Variants in RSRC1 observed in about 807,000 individuals in gnomAD.
RSRC1 encodes the protein serine/Arginine-related protein 53.
RSRC1 carries 39 observed loss-of-function variants against 49.1 expected under a neutral mutation model. The observed-to-expected ratio is 0.79, with a 90% confidence interval of 0.61 to 1.04. RSRC1 has a LOEUF of 1.04. Among genes scored for constraint, RSRC1 ranks in the 50% least tolerant of loss-of-function variants. The probability of loss-of-function intolerance (pLI) is 0.00; values close to 1 mark genes in which losing one functional copy is unlikely to be tolerated. For missense variants in RSRC1, 388 were observed against 402.4 expected (o/e 0.96, Z 0.31); for synonymous variants, 143 against 130.8 (o/e 1.09, Z -0.63).
At chr3:158,201,433 G>GA (rs1293233201) in intron 3 of RSRC1, among the ~76,000 whole-genome samples, 4 of 151,978 alleles carry the variant, frequency 2.6e-5, no homozygotes, top group Non-Finnish European at 4.4e-5. Context: ...ACTCACCACT[G>GA]AAAAAATGTT....
intron 4 of RSRC1, among the ~76,000 whole-genome samples, chr3:158,269,606 G>T (rs562014072): frequency 1.3e-5 from 2 of 151,926 alleles, no homozygotes; most frequent in African/African-American, 4.8e-5. Context: ...TCTGCCTCCC[G>T]GGTTGAAGTG....
rs1048255668 is a variant in RSRC1, at chr3:158,425,948, G to A, written c.584-34987G>A. ...ATGAAAAAACTATAGTAATTAAAAT[G>A]GTGTCATCAATAGGAAGCAATAGAA... On this transcript the variant is annotated intron_variant, in intron 6 of 9. Coordinates refer to ENST00000611884, the MANE Select transcript of RSRC1 (RefSeq NM_001271838.2). 2.6e-5 allele frequency among the ~76,000 whole-genome samples: 4 copies of A among 151,738 alleles called. No individual in the cohort carries two copies. The South Asian group carries it at 8.3e-4, about 32-fold the overall frequency.
intron 6 of RSRC1, among the ~76,000 whole-genome samples, chr3:158,394,146 A>T (rs1323719325): frequency 2.0e-5 from 3 of 152,044 alleles, no homozygotes; most frequent in Non-Finnish European, 2.9e-5. Flanking sequence ...CATTCACGGG[A>T]TATACCTCAA....
At chr3:158,255,734 A>G (rs1724508578) in intron 4 of RSRC1, among the ~76,000 whole-genome samples, 1 of 152,084 alleles carries the variant, frequency 6.6e-6, no homozygotes, top group Admixed American at 6.5e-5. Flanking sequence ...TATTTCGTTG[A>G]GCAGTGGTTT....
intron 6 of RSRC1, among the ~76,000 whole-genome samples, chr3:158,363,989 C>T (rs1455901323): frequency 1.3e-5 from 2 of 152,036 alleles, no homozygotes; most frequent in East Asian, 1.9e-4. Context: ...CTGAGTAGTA[C>T]GCCATAAGTG....
chr3:158,460,394 ATAAT>A (rs750501548), intron 6 of RSRC1, among the ~76,000 whole-genome samples: 1 of 151,956 alleles, frequency 6.6e-6, no homozygotes, highest in South Asian at 2.1e-4. Context: ...CAACTAGTAG[ATAAT>A]TAAGTAATAA....
At chr3:158,303,391 T>C (rs1727674468) in intron 5 of RSRC1, 1 of 152,262 alleles carries the variant, frequency 6.6e-6, no homozygotes, top group African/African-American at 2.4e-5. Flanking sequence ...TCCTTTGTTC[T>C]CTTTTCTGAA....
intron 1 of RSRC1, among the ~76,000 whole-genome samples, chr3:158,119,529 TA>T (rs1350993944): frequency 6.6e-6 from 1 of 152,068 alleles, no homozygotes; most frequent in Admixed American, 6.6e-5. Context: ...TGATTAAAGG[TA>T]AAAACAAGAA....
intron 5 of RSRC1, among the ~76,000 whole-genome samples, chr3:158,340,763 G>A (rs1047459740): frequency 3.3e-5 from 5 of 152,162 alleles, no homozygotes; most frequent in African/African-American, 9.7e-5. Flanking sequence ...ATGTGGAAAC[G>A]ACTTTGGAAC....
At chr3:158,345,436 G>A (rs927402215) in intron 5 of RSRC1, among the ~76,000 whole-genome samples, 13 of 152,156 alleles carry the variant, frequency 8.5e-5, no homozygotes, top group African/African-American at 2.7e-4. Context: ...TAAAAATGGT[G>A]GAAAAAGATA....
intron 6 of RSRC1, among the ~76,000 whole-genome samples, chr3:158,382,874 A>T (rs1732773362): frequency 6.6e-6 from 1 of 152,196 alleles, no homozygotes; most frequent in South Asian, 2.1e-4. Context: ...TTTAATGCTG[A>T]AACTAAAGAC....
At chr3:158,374,615 C>T (rs1426933529) in intron 6 of RSRC1, among the ~76,000 whole-genome samples, 1 of 152,110 alleles carries the variant, frequency 6.6e-6, no homozygotes, top group South Asian at 2.1e-4. Context: ...CTGTACAGTA[C>T]ATTTAATATA....
chr3:158,343,580 A>G (rs1475595552), intron 5 of RSRC1, among the ~76,000 whole-genome samples: 1 of 152,206 alleles, frequency 6.6e-6, no homozygotes, highest in Non-Finnish European at 1.5e-5. Context: ...ACCTGATCAG[A>G]GAGCTATACC....
At chr3:158,174,337 AGTTTATTT>A (rs1484602306) in intron 3 of RSRC1, among the ~76,000 whole-genome samples, 1 of 151,950 alleles carries the variant, frequency 6.6e-6, no homozygotes, top group African/African-American at 2.4e-5. Flanking sequence ...AGCTAAATGA[AGTTTATTT>A]GTTTATTTAA....
intron 3 of RSRC1, among the ~76,000 whole-genome samples, chr3:158,136,219 A>C (rs1012536443): frequency 2.0e-5 from 3 of 152,186 alleles, no homozygotes; most frequent in Non-Finnish European, 2.9e-5. Flanking sequence ...TTCTAGTTCT[A>C]ATTTGATTCG....
chr3:158,532,990 A>C (rs1000654041), intron 7 of RSRC1, among the ~76,000 whole-genome samples: 1 of 151,782 alleles, frequency 6.6e-6, no homozygotes, highest in Non-Finnish European at 1.5e-5. Flanking sequence ...GTTAAATGAC[A>C]AATTGACATG....
chr3:158,205,395 A>G (rs1026058139), intron 4 of RSRC1, among the ~76,000 whole-genome samples: 2 of 152,156 alleles, frequency 1.3e-5, no homozygotes, highest in Admixed American at 1.3e-4. Context: ...TTAAATATTG[A>G]TTATCAAATA....
In RSRC1 at chr3:158,345,805, T is replaced by C. The variant is rs1730522813; in HGVS notation, c.532-9052T>C. The stretch of plus-strand genomic sequence containing the variant: ...TATATATATACACATATATATGTAT[T>C]ACACACATATATATGCATTATATAT... On this transcript the variant is annotated intron_variant, in intron 5 of 9. Transcript: ENST00000611884. 2.7e-5 allele frequency among the ~76,000 whole-genome samples: 4 copies of C among 148,590 alleles called. No individual in the cohort carries two copies. The South Asian group carries it at 8.4e-4, about 31-fold the overall frequency.
chr3:158,128,583 C>A (rs1264041052), intron 3 of RSRC1, among the ~76,000 whole-genome samples: 1 of 152,046 alleles, frequency 6.6e-6, no homozygotes, highest in Non-Finnish European at 1.5e-5. Context: ...TACAGAATTT[C>A]CTTATACCCC....
Sources: gnomAD v4.1 joint callset for allele counts (sites outside exome capture counted in the v4.1 genomes callset) on GRCh38, gnomAD v4.1.1 for gene constraint, MANE v1.5 for transcripts, NCBI Gene and HGNC (gene_info 2026-07-23, HGNC 2026-07-21) for gene names.